The following CA10 variants were observed in gnomAD, a reference collection of about 807,000 sequenced individuals.
CA10 encodes the protein carbonic anhydrase 10 (inactive), also known as carbonic anhydrase-related protein 10.
In CA10, 14 loss-of-function variants were observed where a neutral mutation model predicts 44.2. The ratio of observed to expected loss-of-function variants is 0.32; its 90% CI spans 0.21 to 0.50. The LOEUF is 0.50. Ranked by LOEUF, CA10 falls within the 20% of genes least tolerant of loss-of-function variation. The pLI is 0.99. For synonymous variants in CA10, 159 were observed against 141.6 expected, an observed-to-expected ratio of 1.12 and a Z score of -0.87; for missense variants, 350 against 409.7, an observed-to-expected ratio of 0.85 and a Z score of 1.26.
rs544209195 is a variant in CA10 at position 51,927,777 on chromosome 17, C to T, written c.279+3213G>A. Among the ~76,000 whole-genome samples, 20 of 152,228 alleles carry T rather than the reference C, an allele frequency of 1.3e-4. No individual in the cohort carries two copies. The East Asian group carries it at 3.5e-3, about 26-fold the overall frequency. On this transcript the variant is annotated intron_variant, in intron 3 of 8. Coordinates refer to ENST00000451037, the MANE Select transcript of CA10 (RefSeq NM_020178.5). The stretch of plus-strand genomic sequence containing the variant: ...TGAGGCTTAACTCAGTGTAAAACAT[C>T]ATTTATATCATAATCAAACTTCTTC...
intron 2 of CA10, among the ~76,000 whole-genome samples, chr17:51,969,460 A>G (rs1358311677): frequency 1.3e-5 from 2 of 152,004 alleles, no homozygotes; most frequent in African/African-American, 4.8e-5. Flanking sequence ...CCACACTGAT[A>G]GTTTTCTTAT....
rs1982810973 is a variant in CA10, at chr17:51,935,050, G to C, written c.137-3918C>G. On this transcript the variant is annotated intron_variant, in intron 2 of 8. Transcript: ENST00000451037. Reference sequence around the variant, plus strand: ...ATGAAAGCTTCAAGATTTAGAGTGAGAAACTTGCCCTGTGGGTTTGTGCAG... The same window carrying C: ...ATGAAAGCTTCAAGATTTAGAGTGACAAACTTGCCCTGTGGGTTTGTGCAG... Among the ~76,000 whole-genome samples the C allele has an allele frequency of 2.0e-5, 3 of 152,246 alleles. No individual in the cohort carries two copies. In the South Asian group the frequency reaches 6.2e-4, roughly 32 times the overall value.
chr17:51,873,837 C>T (rs1224811933), intron 3 of CA10, among the ~76,000 whole-genome samples: 2 of 152,200 alleles, frequency 1.3e-5, no homozygotes, highest in Admixed American at 1.3e-4. Context: ...GATGTAAATA[C>T]ACATTTCACT....
chr17:51,750,493 G>A (rs1419318568), intron 3 of CA10, among the ~76,000 whole-genome samples: 1 of 125,700 alleles, frequency 8.0e-6, no homozygotes, highest in Non-Finnish European at 1.9e-5. Flanking sequence ...AATCTTTACA[G>A]CCCTTTCACT....
intron 1 of CA10, among the ~76,000 whole-genome samples, chr17:52,101,412 C>G (rs1988536754): frequency 6.6e-6 from 1 of 152,146 alleles, no homozygotes. Flanking sequence ...AGCCAGTATT[C>G]CAGTTAAAAT....
chr17:52,002,138 C>T (rs534168599), intron 2 of CA10, among the ~76,000 whole-genome samples: 1 of 151,604 alleles, frequency 6.6e-6, no homozygotes, highest in Admixed American at 6.6e-5. Flanking sequence ...TAATTAATGG[C>T]ACATGTATAC....
chr17:52,100,908 T>C (rs1457439745), intron 1 of CA10, among the ~76,000 whole-genome samples: 1 of 152,220 alleles, frequency 6.6e-6, no homozygotes, highest in Non-Finnish European at 1.5e-5. Context: ...GAGGAAATAA[T>C]GATATCTTCA....
intron 1 of CA10, among the ~76,000 whole-genome samples, chr17:52,103,806 G>A (rs1454402761): frequency 3.3e-5 from 5 of 152,194 alleles, no homozygotes; most frequent in Non-Finnish European, 2.9e-5. Context: ...CTTACCGCAA[G>A]AGGCAGTCCC....
At chr17:52,151,425 A>G (rs1503045) in intron 1 of CA10, among the ~76,000 whole-genome samples, 5 of 151,924 alleles carry the variant, frequency 3.3e-5, no homozygotes, top group African/African-American at 9.7e-5. Flanking sequence ...TTCTATAAAC[A>G]TTTTCCCTTC....
chr17:51,876,124 G>C (rs1419060961), intron 3 of CA10, among the ~76,000 whole-genome samples: 5 of 148,676 alleles, frequency 3.4e-5, no homozygotes. Context: ...TTCATGTGTA[G>C]GTTTTATGTG....
Position 51,653,669 on chromosome 17 carries a change from C to A in CA10, c.533G>T (p.Gly178Val). 2 of 1,603,516 alleles carry A rather than the reference C, an allele frequency of 1.2e-6. No individual in the cohort carries two copies. Among genetic ancestry groups the A allele is most frequent in the Non-Finnish European group, 1.7e-6 (2 of 1,170,384 alleles). ...NVTEAAKSPN[G>V]LVVVSIFIKV... The stretch of plus-strand genomic sequence containing the variant: ...TATAAATATAGAAACTACCACCAAT[C>A]CATTTGGACTCTTTGCAGCTTCTGT... The change falls in exon 5 of 9, where the codon GGA becomes GTA. Residue 178 changes from glycine to valine, a missense_variant. Coordinates refer to ENST00000451037, the MANE Select transcript of CA10 (RefSeq NM_020178.5).
At chr17:51,716,864 A>T (rs1916130095) in intron 4 of CA10, among the ~76,000 whole-genome samples, 1 of 152,206 alleles carries the variant, frequency 6.6e-6, no homozygotes, top group Non-Finnish European at 1.5e-5. Flanking sequence ...GGTCAAGGTC[A>T]TGGTAGGGCC....
intron 3 of CA10, among the ~76,000 whole-genome samples, chr17:51,927,192 G>A (rs1394941518): frequency 6.6e-6 from 1 of 152,000 alleles, no homozygotes; most frequent in Non-Finnish European, 1.5e-5. Flanking sequence ...TGATAATTAT[G>A]TTTAGATCCT....
At chr17:51,802,646 T>G (rs1416659451) in intron 3 of CA10, among the ~76,000 whole-genome samples, 3 of 150,136 alleles carry the variant, frequency 2.0e-5, no homozygotes, top group Non-Finnish European at 4.4e-5. Flanking sequence ...AATCCTGAAG[T>G]TGGGAGGAAG....
chr17:51,659,428 G>A (rs1913919348), intron 4 of CA10, among the ~76,000 whole-genome samples: 1 of 152,096 alleles, frequency 6.6e-6, no homozygotes, highest in Admixed American at 6.5e-5. Flanking sequence ...CCATAATTGT[G>A]AGCCAATTCC....
intron 4 of CA10, among the ~76,000 whole-genome samples, chr17:51,666,351 G>A (rs1567795237): frequency 2.6e-5 from 4 of 152,146 alleles, no homozygotes. Context: ...TGGAGACCCT[G>A]GTAAGAATAT....
intron 3 of CA10, among the ~76,000 whole-genome samples, chr17:51,755,182 T>A (rs1165524175): frequency 2.0e-5 from 3 of 152,182 alleles, no homozygotes; most frequent in African/African-American, 2.4e-5. Flanking sequence ...ACAAGGCAGG[T>A]TTATCCTTGA....
Position 51,785,483 on chromosome 17 carries a change from G to T in CA10, c.280-37665C>A, listed in dbSNP as rs1398229180. Among the ~76,000 whole-genome samples, 7 of 152,010 alleles carry T rather than the reference G, an allele frequency of 4.6e-5. No homozygotes were observed. In the East Asian group the frequency reaches 1.4e-3, roughly 29 times the overall value. On this transcript the variant is annotated intron_variant, in intron 3 of 8. Transcript: ENST00000451037. ...TACAGTGAGATATCATCTCACCCCA[G>T]TTAAAAATTGCTTATATCCAAAATA...
chr17:52,152,653 A>T (rs986649561), intron 1 of CA10, among the ~76,000 whole-genome samples: 7 of 152,110 alleles, frequency 4.6e-5, no homozygotes, highest in African/African-American at 1.7e-4. Context: ...TAACAAATAA[A>T]CATTACTCAT....
Sources: gnomAD v4.1 joint callset for allele counts (sites outside exome capture counted in the v4.1 genomes callset) on GRCh38, gnomAD v4.1.1 for gene constraint, MANE v1.5 for transcripts, NCBI Gene and HGNC (gene_info 2026-07-23, HGNC 2026-07-21) for gene names.